The following APC2 variants were observed in gnomAD, a reference collection of about 807,000 sequenced individuals.
The protein encoded by APC2 is APC regulator of Wnt signaling pathway 2, also known as adenomatous polyposis coli protein 2.
APC2 carries 41 observed loss-of-function variants against 72.5 expected under a neutral mutation model. The ratio of observed to expected loss-of-function variants is 0.57; its 90% confidence interval spans 0.44 to 0.73. The LOEUF is 0.73. Among genes scored for constraint, APC2 ranks in the 30% least tolerant of loss-of-function variants. The probability of loss-of-function intolerance (pLI) is 0.00; values close to 1 mark genes in which losing one functional copy is unlikely to be tolerated. For missense variants in APC2, 3,729 were observed against 3,403.4 expected (o/e 1.10, Z -2.38); for synonymous variants, 1,898 against 1,612.0 (o/e 1.18, Z -4.25).
chr19:1,467,696 G>A lies in APC2; in HGVS notation c.4395G>A (p.Leu1465=). 6.8e-7 allele frequency: 1 copy of A among 1,460,326 alleles called. No individual in the cohort carries two copies. Among genetic ancestry groups the A allele is most frequent in the South Asian group, 1.4e-5 (1 of 73,252 alleles). 90.5% of individuals were successfully genotyped at this position (1,460,326 alleles called of 1,614,324 possible). A position where few individuals can be genotyped will look rare whatever the true frequency, so the allele number is the denominator to read the frequency against. Residue 1465 remains leucine, a synonymous_variant, in exon 15 of 15, where the codon CTG becomes CTA. Transcript: ENST00000590469. The stretch of plus-strand genomic sequence containing the variant: ...GCGCGGGCAAGAACAGAGCAGGGCT[G>A]GAGCTGCCCCTGGGCCGGCCCCCGA... ...SRGAGKNRAG[L]ELPLGRPPSA... is the part of the protein sequence containing the mutation.
Position 1,466,556 on chromosome 19 carries a change from C to T in APC2, c.3255C>T (p.Ser1085=). The part of the protein sequence containing the change: ...SLSSAGRPGP[S]EGGDLDDSDS... ...CCTCGGCCGGCCGCCCAGGCCCCAG[C>T]GAGGGTGGTGACCTGGATGACAGTG... The change falls in exon 15 of 15, where the codon AGC becomes AGT. Residue 1085 remains serine (S), a synonymous_variant. Transcript: ENST00000590469. The T allele has an allele frequency of 1.9e-6, 3 of 1,581,838 alleles. No individual in the cohort carries two copies. The highest frequency in any genetic ancestry group is 1.7e-6 in the Non-Finnish European group (2 of 1,171,822).
rs761943470 is a variant in APC2, at chr19:1,453,116, C to A, written c.115C>A (p.Leu39Met). 2 of 1,606,970 alleles carry A rather than the reference C, an allele frequency of 1.2e-6. No individual in the cohort carries two copies. The highest frequency in any genetic ancestry group is 1.7e-6 in the Non-Finnish European group (2 of 1,177,420). Residue 39 changes from leucine (L) to methionine (M), a missense_variant, in exon 2 of 15, where the codon CTG becomes ATG. Coordinates refer to ENST00000590469, the MANE Select transcript of APC2 (RefSeq NM_005883.3). ...GGACAACTCCAGCCACCTGTCCAAG[C>A]TGGAGACAGAGACGTCGGGCATGAA... is the stretch of plus-strand genomic sequence containing the variant. ...LRDNSSHLSK[L>M]ETETSGMKEV...
At chr19:1,448,413 G>A (rs972615648), upstream of APC2, among the ~76,000 whole-genome samples, 1 of 152,056 alleles carries the variant, frequency 6.6e-6, no homozygotes, top group East Asian at 1.9e-4. Flanking sequence ...TGGCAAGGTG[G>A]TACATGCCTG....
At position 1,456,405 on chromosome 19, in the gene APC2, G is replaced by A; in HGVS notation, c.816+1G>A. ...CACCCCTCAGCCGGGCAACAGCAAG[G>A]TGAGGGGGAGGGTGAAACGGGGGCT... On this transcript the variant is annotated splice_donor_variant, in intron 8 of 14. Coordinates refer to ENST00000590469, the MANE Select transcript of APC2 (RefSeq NM_005883.3). LOFTEE classifies it high-confidence loss of function. 1 of 1,597,538 alleles carries A rather than the reference G, an allele frequency of 6.3e-7. No homozygotes were observed. Among genetic ancestry groups the A allele is most frequent in the Non-Finnish European group, 8.5e-7 (1 of 1,173,236 alleles).
intron 10 of APC2, 39 bp downstream of exon 10, chr19:1,458,099 C>T (rs1228260690): frequency 2.6e-6 from 4 of 1,530,304 alleles, no homozygotes; most frequent in East Asian, 2.4e-5. Flanking sequence ...ATCCTCCAGC[C>T]CCCGAACAGG....
At chr19:1,450,848 G>C (rs2083734482) in intron 1 of APC2, among the ~76,000 whole-genome samples, 1 of 152,218 alleles carries the variant, frequency 6.6e-6, no homozygotes, top group Non-Finnish European at 1.5e-5. Context: ...GAAGAGCTTC[G>C]TGGAAGAAGC....
At position 1,465,507 on chromosome 19, in the gene APC2, G is replaced by T; in HGVS notation, c.2206G>T (p.Ala736Ser). The T allele has an allele frequency of 6.6e-7, 1 of 1,524,858 alleles. No homozygotes were observed. The allele number at this position is 1,524,858 out of a possible 1,614,324, so 94.5% of individuals were successfully genotyped here. The change falls in exon 15 of 15, where the codon GCG (alanine) becomes TCG (serine). Residue 736 changes from alanine to serine, a missense_variant. Coordinates refer to ENST00000590469, the MANE Select transcript of APC2 (RefSeq NM_005883.3). ...GGCCGAGCTGGACGCACGGCACCTCGCGCAGGCGCTGGAGCACCTGGAGAA... is the reference window on the plus strand; with the variant it reads ...GGCCGAGCTGGACGCACGGCACCTCTCGCAGGCGCTGGAGCACCTGGAGAA... ...LEAELDARHLAQALEHLEKQG... is the reference protein window; with the variant it reads ...LEAELDARHLSQALEHLEKQG...
chr19:1,471,167 T>C lies in APC2; in HGVS notation c.*954T>C, dbSNP rs115406341. ...AGGCCCTGGGACCTGGAGCCCGCGC[T>C]GGCCTCTCCCCAGCGGAGCCTGCAC... On this transcript the variant is annotated 3_prime_UTR_variant, in exon 15 of 15. Coordinates refer to ENST00000590469, the MANE Select transcript of APC2 (RefSeq NM_005883.3). The C allele has an allele frequency of 0.035, 5,401 of 152,560 alleles. 341 individuals are homozygous for C. The highest frequency in any genetic ancestry group is 0.12 in the African/African-American group (5,173 of 41,550). 9.5% of individuals were successfully genotyped at this position (152,560 alleles called of 1,614,324 possible).
chr19:1,465,713 C>T lies in APC2; in HGVS notation c.2412C>T (p.Leu804=), dbSNP rs912420049. The T allele has an allele frequency of 1.3e-6, 2 of 1,571,376 alleles. No individual in the cohort carries two copies. Among genetic ancestry groups the T allele is most frequent in the Admixed American group, 1.8e-5 (1 of 54,178 alleles). ...CAGCCAGCCCTGCCGCGCTGTCCCT[C>T]TTCCTGGGCAGCCCCTTCCTGCAGG... ...GEPASPAALS[L]FLGSPFLQGQ... The change falls in exon 15 of 15, where the codon CTC becomes CTT. Residue 804 remains leucine (L), a synonymous_variant. Coordinates refer to ENST00000590469, the MANE Select transcript of APC2 (RefSeq NM_005883.3).
At chr19:1,451,256 G>C (rs372062593) in intron 1 of APC2, 1 of 152,708 alleles carries the variant, frequency 6.5e-6, no homozygotes, top group Non-Finnish European at 1.5e-5. Context: ...GCTTGGCTTC[G>C]GTCAGCTGAG....
rs1257236020 is a variant in APC2, at chr19:1,465,538, G to C, written c.2237G>C (p.Gly746Ala). The change falls in exon 15 of 15, where the codon GGC becomes GCC. Residue 746 changes from glycine (G) to alanine (A), a missense_variant. Gly to Ala is a moderately conservative substitution (Grantham distance 60). Coordinates refer to ENST00000590469, the MANE Select transcript of APC2 (RefSeq NM_005883.3). ...GCGCTGGAGCACCTGGAGAAGCAGGGCCCGCCGGCAGCCGAGGCCGCCACT... is the reference window on the plus strand; with the variant it reads ...GCGCTGGAGCACCTGGAGAAGCAGGCCCCGCCGGCAGCCGAGGCCGCCACT... ...AQALEHLEKQ[G>A]PPAAEAATKK... 1.9e-5 allele frequency: 29 copies of C among 1,530,748 alleles called. No homozygotes were observed. Among genetic ancestry groups the C allele is most frequent in the Admixed American group, 8.1e-5 (4 of 49,088 alleles). The allele number at this position is 1,530,748 out of a possible 1,614,324, so 94.8% of individuals were successfully genotyped here.
chr19:1,469,465 C>G lies in APC2; in HGVS notation c.6164C>G (p.Ala2055Gly). ...ELRAAPRQGP[A>G]PARQRPPAAR... ...CGAGCGGCACCCCGGCAGGGCCCGG[C>G]CCCGGCCCGGCAGCGGCCCCCCGCG... The change falls in exon 15 of 15, where the codon GCC (alanine) becomes GGC (glycine). Residue 2055 changes from alanine to glycine, a missense_variant. Ala to Gly is a moderately conservative substitution (Grantham distance 60). Transcript: ENST00000590469. 1.8e-6 allele frequency: 2 copies of G among 1,129,134 alleles called. No homozygotes were observed. The highest frequency in any genetic ancestry group is 2.2e-6 in the Non-Finnish European group (2 of 925,574). 69.9% of individuals were successfully genotyped at this position (1,129,134 alleles called of 1,614,324 possible).
intron 2 of APC2, 31 bp downstream of exon 2, chr19:1,453,173 G>A (rs1451829963): frequency 1.9e-6 from 3 of 1,581,568 alleles, no homozygotes; most frequent in East Asian, 4.6e-5. Flanking sequence ...GGTGGGCTAG[G>A]GTCCCGGGGT....
In APC2 at chr19:1,456,897, C is replaced by G. The variant is rs2083837435; in HGVS notation, c.861C>G (p.Asp287Glu). 19 of 1,589,910 alleles carry G rather than the reference C, an allele frequency of 1.2e-5. No individual in the cohort carries two copies. The highest frequency in any genetic ancestry group is 1.5e-5 in the Non-Finnish European group (18 of 1,175,162). ...FWLLSMLATR[D>E]QEDTARTLLA... ...TGTTGTCCATGTTGGCGACGCGCGA[C>G]CAGGAGGATACAGCGCGCACGCTGC... The change falls in exon 9 of 15, where the codon GAC becomes GAG. Residue 287 changes from aspartate to glutamate, a missense_variant. By Grantham distance (45) the Asp-to-Glu change is conservative. Coordinates refer to ENST00000590469, the MANE Select transcript of APC2 (RefSeq NM_005883.3).
At chr19:1,455,937 A>AGTCAGAGCCCAGGGCGG in intron 6 of APC2, 139 bp from the exon 7 acceptor site, 1 of 832,864 alleles carries the variant, frequency 1.2e-6, no homozygotes, top group Non-Finnish European at 1.8e-6. Flanking sequence ...GAGAAGGCAG[A>AGTCAGAGCCCAGGGCGG]GGTAGGGTCA....
At position 1,465,682 on chromosome 19, in the gene APC2, G is replaced by A. The variant is rs752896405; in HGVS notation, c.2381G>A (p.Gly794Glu). The change falls in exon 15 of 15, where the codon GGG (glycine) becomes GAG (glutamate). Residue 794 changes from glycine to glutamate, a missense_variant. Transcript: ENST00000590469. ...TCCCTGGCTGCGGCCGCGGCCACCG[G>A]GGAGCCAGCCAGCCCTGCCGCGCTG... ...PSSLAAAAATGEPASPAALSL... is the reference protein window; with the variant it reads ...PSSLAAAAATEEPASPAALSL... 1.3e-6 allele frequency: 2 copies of A among 1,595,022 alleles called. No individual in the cohort carries two copies. Among genetic ancestry groups the A allele is most frequent in the Admixed American group, 3.5e-5 (2 of 57,932 alleles).
intron 7 of APC2, 58 bp downstream of exon 7, chr19:1,456,211 C>A (rs1225189988): frequency 1.3e-6 from 2 of 1,548,888 alleles, no homozygotes; most frequent in South Asian, 1.2e-5. Flanking sequence ...CAGAACGGGG[C>A]TCCTCGAGTT....
Position 1,469,209 on chromosome 19 carries a change from CT to C in APC2, c.5909del (p.Leu1970ArgfsTer26). 7.4e-7 allele frequency: 1 copy of C among 1,349,390 alleles called. No individual in the cohort carries two copies. Among genetic ancestry groups the C allele is most frequent in the Non-Finnish European group, 9.6e-7 (1 of 1,046,580 alleles). 83.6% of individuals were successfully genotyped at this position (1,349,390 alleles called of 1,614,324 possible). The stretch of plus-strand genomic sequence containing the variant: ...GGGCCCGGGGGCGCGCGGGGGCCGC[CT>C]GGGCCTGGTGCGTGTGGCCTCAGCC... ...EAGPGARGGR[L>X]GLVRVASALS... On this transcript the variant is annotated frameshift_variant, in exon 15 of 15. Coordinates refer to ENST00000590469, the MANE Select transcript of APC2 (RefSeq NM_005883.3). LOFTEE classifies it low-confidence loss of function (END_TRUNC).
chr19:1,454,709 A>G (rs986306781), intron 4 of APC2, among the ~76,000 whole-genome samples: 172 of 151,556 alleles, frequency 1.1e-3, no homozygotes, highest in Admixed American at 9.9e-4. Context: ...GACTACAGGC[A>G]CCCGCCACCA....
Sources: gnomAD v4.1 joint callset for allele counts (sites outside exome capture counted in the v4.1 genomes callset) on GRCh38, gnomAD v4.1.1 for gene constraint, MANE v1.5 for transcripts, NCBI Gene and HGNC (gene_info 2026-07-23, HGNC 2026-07-21) for gene names.